SNX27: variants seen among roughly 807,000 people sequenced by gnomAD.
The protein encoded by SNX27 is sorting nexin 27.
In SNX27, 22 loss-of-function variants were observed where a neutral mutation model predicts 71.6. The ratio of observed to expected loss-of-function variants is 0.31; its 90% CI spans 0.22 to 0.44. The LOEUF (loss-of-function observed/expected upper bound fraction) is 0.44, where lower values mean the gene tolerates loss of function less well. SNX27 is among the 20% of genes least tolerant of loss of function. The probability of loss-of-function intolerance (pLI) is 1.00; values close to 1 mark genes in which losing one functional copy is unlikely to be tolerated. For missense variants in SNX27, 531 were observed against 698.6 expected (o/e 0.76, Z 2.70); for synonymous variants, 269 against 277.2 (o/e 0.97, Z 0.29).
intron 7 of SNX27, chr1:151,680,479 A>G (rs916933581): frequency 6.6e-6 from 1 of 152,160 alleles, no homozygotes; most frequent in Admixed American, 6.5e-5. Flanking sequence ...ATTAGAAATG[A>G]AAGAAGACCA....
At chr1:151,652,208 G>GAGAGGT (rs1669433476) in intron 2 of SNX27, among the ~76,000 whole-genome samples, 2 of 90,126 alleles carry the variant, frequency 2.2e-5, no homozygotes, top group African/African-American at 1.1e-4. Context: ...AGACCGTGGG[G>GAGAGGT]AGAGGGAGAG....
chr1:151,663,502 AT>A (rs944569045), intron 5 of SNX27, among the ~76,000 whole-genome samples: 26 of 144,448 alleles, frequency 1.8e-4, no homozygotes, highest in Non-Finnish European at 2.6e-4. Flanking sequence ...ACTTCTCCCC[AT>A]TTTTTTTTTC....
chr1:151,693,070 CTTAG>C lies in SNX27; in HGVS notation c.1518+34_1518+37del, dbSNP rs774975897. ...TGCAATTTGGGGAAAGTAACTGGGACTTAGTTTGTTTTTTTGTTTTTTTTTTCAG... is the reference window on the plus strand; with the variant it reads ...TGCAATTTGGGGAAAGTAACTGGGACTTTGTTTTTTTGTTTTTTTTTTCAG... On this transcript the variant is annotated intron_variant, in intron 10 of 11. Transcript: ENST00000458013. 1.2e-4 allele frequency: 194 copies of C among 1,595,896 alleles called. 2 individuals are homozygous for C. In the Middle Eastern group the frequency reaches 1.7e-3, roughly 14 times the overall value.
At chr1:151,672,908 CTT>C (rs1157299796) in intron 7 of SNX27, among the ~76,000 whole-genome samples, 3 of 150,012 alleles carry the variant, frequency 2.0e-5, no homozygotes, top group Non-Finnish European at 3.0e-5. Flanking sequence ...GTCTGTTTAA[CTT>C]TTCAAAAAAA....
intron 2 of SNX27, among the ~76,000 whole-genome samples, chr1:151,647,913 A>G (rs908864546): frequency 6.6e-6 from 1 of 152,094 alleles, no homozygotes; most frequent in Non-Finnish European, 1.5e-5. Context: ...AAAGCAAGGT[A>G]TATTTGGGGA....
At chr1:151,626,829 G>C (rs1443685880) in intron 1 of SNX27, among the ~76,000 whole-genome samples, 1 of 152,218 alleles carries the variant, frequency 6.6e-6, no homozygotes, top group Admixed American at 6.5e-5. Context: ...AGTTGCTAAG[G>C]CTGGTCAGTG....
chr1:151,626,016 C>T (rs1176009674), intron 1 of SNX27, among the ~76,000 whole-genome samples: 2 of 152,026 alleles, frequency 1.3e-5, no homozygotes, highest in African/African-American at 4.8e-5. Flanking sequence ...GTAATCCCAG[C>T]TACTCTGGAG....
At chr1:151,684,894 C>T (rs1404965198) in intron 8 of SNX27, among the ~76,000 whole-genome samples, 4 of 152,002 alleles carry the variant, frequency 2.6e-5, no homozygotes, top group Non-Finnish European at 2.9e-5. Flanking sequence ...CTGCAACCTC[C>T]GCCTCCTGGG....
chr1:151,630,215 G>A lies in SNX27; in HGVS notation c.312-8673G>A, dbSNP rs552013606. On this transcript the variant is annotated intron_variant, in intron 1 of 11. Coordinates refer to ENST00000458013, the MANE Select transcript of SNX27 (RefSeq NM_001330723.2). ...ACCATTGTAAAATTTTTGCCCTTAC[G>A]AAGCTCATATTTTGGTCATTGCCTT... is the stretch of plus-strand genomic sequence containing the variant. Among the ~76,000 whole-genome samples, 7 of 151,894 alleles carry A rather than the reference G, an allele frequency of 4.6e-5. No individual in the cohort carries two copies. The South Asian group carries it at 1.2e-3, about 27-fold the overall frequency.
Position 151,612,842 on chromosome 1 carries a change from C to A in SNX27, c.311+330C>A, listed in dbSNP as rs970365175. Among the ~76,000 whole-genome samples, 2 of 152,128 alleles carry A rather than the reference C, an allele frequency of 1.3e-5. No individual in the cohort carries two copies. Among genetic ancestry groups the A allele is most frequent in the African/African-American group, 4.8e-5 (2 of 41,426 alleles). ...GGCGTGCTGCATTCTGCTCCTCACTCCCCCTCGTCTTGCTCAGAAGGAACC... is the reference window on the plus strand; with the variant it reads ...GGCGTGCTGCATTCTGCTCCTCACTACCCCTCGTCTTGCTCAGAAGGAACC... On this transcript the variant is annotated intron_variant, in intron 1 of 11. Coordinates refer to ENST00000458013, the MANE Select transcript of SNX27 (RefSeq NM_001330723.2). This position sits in a 1 kb window ranked among gnomAD's most constrained non-coding sequence, Gnocchi z 5.2.
At chr1:151,666,141 A>G (rs1670179108) in intron 6 of SNX27, 130 bp downstream of exon 6, 1 of 561,516 alleles carries the variant, frequency 1.8e-6, no homozygotes, top group Middle Eastern at 4.2e-4. Context: ...CAGACCAAGC[A>G]TATCCCATTA....
chr1:151,655,756 G>A (rs1415922579), intron 2 of SNX27, among the ~76,000 whole-genome samples: 1 of 152,136 alleles, frequency 6.6e-6, no homozygotes, highest in African/African-American at 2.4e-5. Flanking sequence ...ATTACCACCT[G>A]GAAGTCCACA....
At chr1:151,658,564 G>C (rs1669806461) in intron 3 of SNX27, 137 bp downstream of exon 3, 1 of 852,334 alleles carries the variant, frequency 1.2e-6, no homozygotes. Flanking sequence ...TGAATGATCT[G>C]AACTTTGAAG....
chr1:151,630,726 ATAAT>A (rs1156685255), intron 1 of SNX27, among the ~76,000 whole-genome samples: 1 of 152,200 alleles, frequency 6.6e-6, no homozygotes, highest in African/African-American at 2.4e-5. Context: ...GATTGCTTAT[ATAAT>A]TAGTCAGTAA....
At chr1:151,681,472 G>A (rs1016662021) in intron 7 of SNX27, among the ~76,000 whole-genome samples, 2 of 151,772 alleles carry the variant, frequency 1.3e-5, no homozygotes, top group African/African-American at 4.8e-5. Context: ...TCGATCTCCT[G>A]ACCTCGTGAT....
chr1:151,647,877 A>G (rs1252110755), intron 2 of SNX27, among the ~76,000 whole-genome samples: 1 of 151,698 alleles, frequency 6.6e-6, no homozygotes, highest in Non-Finnish European at 1.5e-5. Flanking sequence ...TAAGGAAAAC[A>G]ACTCTGTATA....
chr1:151,627,307 G>A (rs1199332209), intron 1 of SNX27, among the ~76,000 whole-genome samples: 2 of 152,078 alleles, frequency 1.3e-5, no homozygotes, highest in African/African-American at 4.8e-5. Context: ...CAATACACTT[G>A]TTTAGCAGTA....
chr1:151,688,979 G>A (rs1227833062), intron 8 of SNX27, among the ~76,000 whole-genome samples: 1 of 152,088 alleles, frequency 6.6e-6, no homozygotes. Flanking sequence ...GGCTCACCAA[G>A]GGCACAGGTG....
At chr1:151,624,618 G>T (rs12733147) in intron 1 of SNX27, among the ~76,000 whole-genome samples, 66 of 150,872 alleles carry the variant, frequency 4.4e-4, no homozygotes, top group African/African-American at 1.6e-3. Context: ...TTTTAATAGA[G>T]ATGGGGTTTC....
Sources: gnomAD v4.1 joint callset for allele counts (sites outside exome capture counted in the v4.1 genomes callset) on GRCh38, gnomAD v4.1.1 for gene constraint, Gnocchi (gnomAD v3.1) non-coding constraint, MANE v1.5 for transcripts, NCBI Gene and HGNC (gene_info 2026-07-23, HGNC 2026-07-21) for gene names.